SLC9C1: variants seen among roughly 807,000 people sequenced by gnomAD.
SLC9C1 encodes the protein sodium/hydrogen exchanger 10.
SLC9C1 carries 97 observed loss-of-function variants against 140.9 expected under a neutral mutation model. That is an observed-to-expected ratio of 0.69 (90% CI 0.58 to 0.82). The LOEUF is 0.82. SLC9C1 is among the 40% of genes least tolerant of loss of function. The probability of loss-of-function intolerance (pLI) is 0.00; values close to 1 mark genes in which losing one functional copy is unlikely to be tolerated. For missense variants in SLC9C1, 1,340 were observed against 1,389.3 expected (o/e 0.96, Z 0.56); for synonymous variants, 440 against 442.6 (o/e 0.99, Z 0.07).
At chr3:112,191,179 A>C (rs1213476572) in intron 20 of SLC9C1, among the ~76,000 whole-genome samples, 1 of 152,048 alleles carries the variant, frequency 6.6e-6, no homozygotes, top group Non-Finnish European at 1.5e-5. Flanking sequence ...TTTCTTTCCT[A>C]TGAGGATGCT....
chr3:112,220,999 G>T, intron 14 of SLC9C1, 129 bp downstream of exon 14: 1 of 657,870 alleles, frequency 1.5e-6, no homozygotes, highest in Non-Finnish European at 2.5e-6. Context: ...CAGCTCTGCT[G>T]TAATACTATA....
chr3:112,185,264 T>C (rs543887163), intron 20 of SLC9C1, among the ~76,000 whole-genome samples: 39 of 150,446 alleles, frequency 2.6e-4, no homozygotes, highest in Admixed American at 1.3e-3. Context: ...GGATAAAACA[T>C]AATCATATCA....
At chr3:112,261,306 C>T (rs2079764575) in intron 10 of SLC9C1, among the ~76,000 whole-genome samples, 1 of 152,052 alleles carries the variant, frequency 6.6e-6, no homozygotes, top group African/African-American at 2.4e-5. Flanking sequence ...AAGTGCATTG[C>T]ATTCTAGGTA....
In SLC9C1 at chr3:112,217,458, T is replaced by A. The variant is rs1255259671; in HGVS notation, c.1774A>T (p.Lys592Ter). Residue 592 changes from lysine (K) to a stop codon, truncating the protein, a stop_gained, in exon 15 of 29, where the codon AAA becomes TAA. Transcript: ENST00000305815. LOFTEE classifies it high-confidence loss of function. ...AGCACTTACTTTGATGGGCCCTCTT[T>A]TTCCTTTCTGGTATTATACACCCAA... ...LNWVYNTRKE[K>*]EGPSKYFFFR... The A allele has an allele frequency of 2.5e-6, 4 of 1,592,788 alleles. No homozygotes were observed. Among genetic ancestry groups the A allele is most frequent in the Non-Finnish European group, 3.4e-6 (4 of 1,174,136 alleles).
At chr3:112,161,614 T>C (rs1286588076) in intron 26 of SLC9C1, among the ~76,000 whole-genome samples, 1 of 152,052 alleles carries the variant, frequency 6.6e-6, no homozygotes, top group Non-Finnish European at 1.5e-5. Context: ...GGCTCTGTTC[T>C]GTTCCATTGA....
chr3:112,207,321 A>G (rs1356909692), intron 16 of SLC9C1, among the ~76,000 whole-genome samples: 1 of 152,166 alleles, frequency 6.6e-6, no homozygotes, highest in Non-Finnish European at 1.5e-5. Flanking sequence ...GCTGCTTGTA[A>G]TGTTTGCACA....
chr3:112,214,749 G>C (rs1416185107), intron 15 of SLC9C1, among the ~76,000 whole-genome samples: 1 of 152,196 alleles, frequency 6.6e-6, no homozygotes, highest in Admixed American at 6.5e-5. Context: ...TCCAGGACCA[G>C]ATGGATTCAC....
At chr3:112,280,035 A>T (rs948217794) in intron 3 of SLC9C1, among the ~76,000 whole-genome samples, 2 of 152,346 alleles carry the variant, frequency 1.3e-5, no homozygotes, top group African/African-American at 4.8e-5. Flanking sequence ...TCATATGATT[A>T]CAAAACCTGT....
intron 15 of SLC9C1, among the ~76,000 whole-genome samples, chr3:112,209,662 G>A (rs574684703): frequency 2.6e-5 from 4 of 151,940 alleles, no homozygotes; most frequent in South Asian, 2.1e-4. Context: ...AAACAAAATC[G>A]ATATATAAAA....
At chr3:112,164,043 T>C (rs953243749) in intron 26 of SLC9C1, among the ~76,000 whole-genome samples, 1 of 152,146 alleles carries the variant, frequency 6.6e-6, no homozygotes, top group Non-Finnish European at 1.5e-5. Context: ...TCTTTGTCTC[T>C]TTTGATCTTT....
chr3:112,149,457 A>T (rs1348855325), intron 28 of SLC9C1, among the ~76,000 whole-genome samples: 1 of 151,546 alleles, frequency 6.6e-6, no homozygotes, highest in Non-Finnish European at 1.5e-5. Flanking sequence ...CTAAGTGTGG[A>T]GTAGAGAGAG....
intron 26 of SLC9C1, among the ~76,000 whole-genome samples, chr3:112,159,180 T>C (rs1405813822): frequency 6.6e-6 from 1 of 151,906 alleles, no homozygotes; most frequent in Non-Finnish European, 1.5e-5. Flanking sequence ...TCTCATAGGC[T>C]CTGGAATTTT....
intron 3 of SLC9C1, 146 bp downstream of exon 3, chr3:112,280,537 C>A: frequency 2.9e-6 from 2 of 686,950 alleles, no homozygotes; most frequent in Non-Finnish European, 4.8e-6. Flanking sequence ...TTTCTACATA[C>A]CTGACGTGAT....
At position 112,200,100 on chromosome 3, in the gene SLC9C1, T is replaced by A. The variant is rs565338285; in HGVS notation, c.2374+611A>T. On this transcript the variant is annotated intron_variant, in intron 19 of 28. Coordinates refer to ENST00000305815, the MANE Select transcript of SLC9C1 (RefSeq NM_183061.3). Reference sequence around the variant, plus strand: ...CCTCATCTCCAGGTTTGCTGTGTCCTTTTGTAGCTCACCACATGGTATAAA... The same window carrying A: ...CCTCATCTCCAGGTTTGCTGTGTCCATTTGTAGCTCACCACATGGTATAAA... Among the ~76,000 whole-genome samples, 5 of 152,238 alleles carry A rather than the reference T, an allele frequency of 3.3e-5. No individual in the cohort carries two copies. The South Asian group carries it at 1.0e-3, about 32-fold the overall frequency.
At chr3:112,153,674 A>G (rs150924355) in intron 27 of SLC9C1, among the ~76,000 whole-genome samples, 19 of 152,292 alleles carry the variant, frequency 1.2e-4, no homozygotes, top group African/African-American at 3.8e-4. Flanking sequence ...TTTGATCTCT[A>G]CAGAGGTGGG....
chr3:112,275,467 A>C (rs913277236), intron 5 of SLC9C1, among the ~76,000 whole-genome samples: 4 of 152,200 alleles, frequency 2.6e-5, no homozygotes, highest in African/African-American at 9.6e-5. Flanking sequence ...TTTCTCATTC[A>C]TTCTTCCCAA....
chr3:112,161,156 G>A (rs1039412979), intron 26 of SLC9C1, among the ~76,000 whole-genome samples: 1 of 152,150 alleles, frequency 6.6e-6, no homozygotes, highest in Non-Finnish European at 1.5e-5. Context: ...GTTCATTGTA[G>A]ATTCTGGATA....
chr3:112,215,303 C>T (rs909558233), intron 15 of SLC9C1, among the ~76,000 whole-genome samples: 2 of 152,176 alleles, frequency 1.3e-5, no homozygotes, highest in African/African-American at 4.8e-5. Flanking sequence ...TGGCACAAGA[C>T]AGGGATGCCC....
At chr3:112,290,401 G>T (rs1440522432) in intron 1 of SLC9C1, among the ~76,000 whole-genome samples, 1 of 151,996 alleles carries the variant, frequency 6.6e-6, no homozygotes, top group African/African-American at 2.4e-5. Context: ...TAATAAAATT[G>T]TGCTGTGGTC....
Sources: allele counts gnomAD v4.1 joint callset (sites outside exome capture counted in the v4.1 genomes callset), GRCh38; gene constraint gnomAD v4.1.1; transcripts MANE v1.5; gene names NCBI Gene and HGNC (gene_info 2026-07-23, HGNC 2026-07-21).